Variants in ANAPC16 observed in about 807,000 individuals in gnomAD.
The protein encoded by ANAPC16 is anaphase-promoting complex subunit 16.
In ANAPC16, 6 loss-of-function variants were observed where a neutral mutation model predicts 13.1. The ratio of observed to expected loss-of-function variants is 0.46; its 90% CI spans 0.25 to 0.90. The LOEUF (loss-of-function observed/expected upper bound fraction) is 0.90, where lower values mean the gene tolerates loss of function less well. ANAPC16 is among the 40% of genes least tolerant of loss of function. The probability of loss-of-function intolerance (pLI) is 0.18; values close to 1 mark genes in which losing one functional copy is unlikely to be tolerated. For missense variants in ANAPC16, 113 were observed against 131.1 expected (o/e 0.86, Z 0.67); for synonymous variants, 55 against 51.3 (o/e 1.07, Z -0.31).
At chr10:72,229,122 C>CTT (rs530992242) in intron 2 of ANAPC16, among the ~76,000 whole-genome samples, 2 of 147,044 alleles carry the variant, frequency 1.4e-5, no homozygotes, top group Admixed American at 1.4e-4. Flanking sequence ...ATTCAAACCC[C>CTT]TTTTTTTTTT....
Position 72,234,901 on chromosome 10 carries a change from A to T in ANAPC16, c.*1785A>T, listed in dbSNP as rs553567294. On this transcript the variant is annotated 3_prime_UTR_variant, in exon 4 of 4. Transcript: ENST00000299381. ...CACAGTGGCTCCCACCTTTAATCCC[A>T]GCACCTGGGGAGGCTGAGGTGAGTG... 39 of 152,354 alleles carry T rather than the reference A, an allele frequency of 2.6e-4. No homozygotes were observed. The highest frequency in any genetic ancestry group is 9.1e-4 in the African/African-American group (38 of 41,574). The allele number at this position is 152,354 out of a possible 1,614,324, so 9.4% of individuals were successfully genotyped here.
chr10:72,233,554 T>C lies in ANAPC16; in HGVS notation c.*438T>C, dbSNP rs1564796249. The stretch of plus-strand genomic sequence containing the variant: ...TGACCTAAAAAAGTTATTTTGCAGA[T>C]GAATGTGTTTTCAACTCAGGACCTA... On this transcript the variant is annotated 3_prime_UTR_variant, in exon 4 of 4. Coordinates refer to ENST00000299381, the MANE Select transcript of ANAPC16 (RefSeq NM_173473.4). 6.5e-6 allele frequency: 1 copy of C among 153,200 alleles called. No individual in the cohort carries two copies. The highest frequency in any genetic ancestry group is 1.9e-4 in the South Asian group (1 of 5,220). The allele number at this position is 153,200 out of a possible 1,614,324, so 9.5% of individuals were successfully genotyped here. A position where few individuals can be genotyped will look rare whatever the true frequency, so the allele number is the denominator to read the frequency against.
chr10:72,232,669 T>G (rs1860357140), intron 3 of ANAPC16, among the ~76,000 whole-genome samples: 1 of 146,944 alleles, frequency 6.8e-6, no homozygotes, highest in East Asian at 2.1e-4. Context: ...AGTGGCACGA[T>G]CTCGGCTCAC....
At chr10:72,230,333 G>A in intron 2 of ANAPC16, 33 bp from the exon 3 acceptor site, 1 of 1,563,278 alleles carries the variant, frequency 6.4e-7, no homozygotes, top group Non-Finnish European at 8.8e-7. Context: ...AACCTTTAGA[G>A]CAGATTAAAA....
intron 1 of ANAPC16, among the ~76,000 whole-genome samples, chr10:72,218,909 G>A (rs1485596683): frequency 6.6e-6 from 1 of 152,184 alleles, no homozygotes; most frequent in Non-Finnish European, 1.5e-5. Context: ...AGTTCTGAGA[G>A]TTTGGAAGAA....
chr10:72,230,140 C>T (rs1367757668), intron 2 of ANAPC16, among the ~76,000 whole-genome samples: 1 of 152,018 alleles, frequency 6.6e-6, no homozygotes, highest in Non-Finnish European at 1.5e-5. Context: ...TTTTTAAACA[C>T]TATTTTTAAA....
intron 1 of ANAPC16, among the ~76,000 whole-genome samples, chr10:72,219,585 A>G (rs568282503): frequency 6.6e-6 from 1 of 152,038 alleles, no homozygotes; most frequent in African/African-American, 2.4e-5. Context: ...AAAATAAACA[A>G]AATTAGTGGG....
Position 72,233,815 on chromosome 10 carries a change from T to C in ANAPC16, c.*699T>C, listed in dbSNP as rs570743851. On this transcript the variant is annotated 3_prime_UTR_variant, in exon 4 of 4. Transcript: ENST00000299381. ...GCAATTCTGTAGCAAATAAATCCTT[T>C]GAAAGAGCTCCAAATTGGTGGCATT... The C allele has an allele frequency of 2.0e-5, 3 of 152,740 alleles. No individual in the cohort carries two copies. Among genetic ancestry groups the C allele is most frequent in the Admixed American group, 2.0e-4 (3 of 15,278 alleles). The allele number at this position is 152,740 out of a possible 1,614,324, so 9.5% of individuals were successfully genotyped here.
Position 72,233,205 on chromosome 10 carries a change from C to A in ANAPC16, c.*89C>A. On this transcript the variant is annotated 3_prime_UTR_variant, in exon 4 of 4. Coordinates refer to ENST00000299381, the MANE Select transcript of ANAPC16 (RefSeq NM_173473.4). ...GCTTACATAGCCATCCAGAGATCCA[C>A]AGCTACGTCACTGAATTGTTAATGC... 1 of 935,166 alleles carries A rather than the reference C, an allele frequency of 1.1e-6. No homozygotes were observed. The allele number at this position is 935,166 out of a possible 1,614,324, so 57.9% of individuals were successfully genotyped here. A position where few individuals can be genotyped will look rare whatever the true frequency, so the allele number is the denominator to read the frequency against.
At chr10:72,218,939 C>T (rs995406491) in intron 1 of ANAPC16, among the ~76,000 whole-genome samples, 9 of 152,176 alleles carry the variant, frequency 5.9e-5, no homozygotes, top group Non-Finnish European at 1.3e-4. Flanking sequence ...AAAGGGAGTT[C>T]GTTTGATTAT....
At chr10:72,226,040 G>C in intron 2 of ANAPC16, among the ~76,000 whole-genome samples, 1 of 146,298 alleles carries the variant, frequency 6.8e-6, no homozygotes, top group Non-Finnish European at 1.5e-5. Context: ...TTTTGAGACA[G>C]AGTCTCGCTC....
intron 2 of ANAPC16, among the ~76,000 whole-genome samples, chr10:72,227,017 G>T (rs1163037919): frequency 6.6e-6 from 1 of 152,170 alleles, no homozygotes; most frequent in Non-Finnish European, 1.5e-5. Flanking sequence ...ACTATATTAT[G>T]ACTTCATTTA....
intron 2 of ANAPC16, among the ~76,000 whole-genome samples, chr10:72,226,391 A>G (rs1286039634): frequency 1.3e-5 from 2 of 151,998 alleles, no homozygotes; most frequent in African/African-American, 4.8e-5. Context: ...TACAAACTAT[A>G]GGCCAGGCAT....
chr10:72,216,880 G>A (rs1200998701), intron 1 of ANAPC16: 2 of 456,158 alleles, frequency 4.4e-6, no homozygotes, highest in Non-Finnish European at 8.8e-6. Context: ...AAATTTTACT[G>A]GGCACCTCCG....
intron 1 of ANAPC16, among the ~76,000 whole-genome samples, chr10:72,217,295 A>G (rs1404203511): frequency 6.6e-6 from 1 of 152,064 alleles, no homozygotes; most frequent in Non-Finnish European, 1.5e-5. Context: ...TAACACGGTG[A>G]AACCCCGTCT....
chr10:72,234,046 G>A lies in ANAPC16; in HGVS notation c.*930G>A, dbSNP rs1224894285. ...TTTGAGACGAAGTTTTGCTCTTGTT[G>A]CCCAGGCTGTATCGCAATGGCGCGA... is the stretch of plus-strand genomic sequence containing the variant. On this transcript the variant is annotated 3_prime_UTR_variant, in exon 4 of 4. Transcript: ENST00000299381. 7.2e-6 allele frequency: 1 copy of A among 138,688 alleles called. No homozygotes were observed. Among genetic ancestry groups the A allele is most frequent in the East Asian group, 2.1e-4 (1 of 4,676 alleles). The allele number at this position is 138,688 out of a possible 1,614,324, so 8.6% of individuals were successfully genotyped here. A position where few individuals can be genotyped will look rare whatever the true frequency, so the allele number is the denominator to read the frequency against.
At chr10:72,226,768 C>T (rs1224798228) in intron 2 of ANAPC16, among the ~76,000 whole-genome samples, 2 of 151,996 alleles carry the variant, frequency 1.3e-5, no homozygotes, top group Non-Finnish European at 2.9e-5. Flanking sequence ...AGCCCAAAAT[C>T]ATTTGTGACA....
At chr10:72,232,100 C>T (rs540464145) in intron 3 of ANAPC16, among the ~76,000 whole-genome samples, 8 of 148,556 alleles carry the variant, frequency 5.4e-5, no homozygotes, top group Admixed American at 1.4e-4. Context: ...GCAGCAGAAT[C>T]GCTTGGACCC....
chr10:72,230,292 A>C, intron 2 of ANAPC16, 74 bp from the exon 3 acceptor site: 1 of 1,153,236 alleles, frequency 8.7e-7, no homozygotes, highest in Non-Finnish European at 1.3e-6. Flanking sequence ...AAAAGAATAG[A>C]CAAGTTTACT....
Sources: allele counts gnomAD v4.1 joint callset (sites outside exome capture counted in the v4.1 genomes callset), GRCh38; gene constraint gnomAD v4.1.1; transcripts MANE v1.5; gene names NCBI Gene and HGNC (gene_info 2026-07-23, HGNC 2026-07-21).